Variants in COL4A4 observed in about 807,000 individuals in gnomAD.
COL4A4 encodes collagen type IV alpha 4 chain, also known as collagen alpha-4(IV) chain.
A neutral mutation model predicts 192.9 loss-of-function variants in COL4A4; 105 were observed. The ratio of observed to expected loss-of-function variants is 0.54; its 90% CI spans 0.46 to 0.64. The LOEUF is 0.64. Among genes scored for constraint, COL4A4 ranks in the 30% least tolerant of loss-of-function variants. COL4A4 has a pLI of 0.00. For synonymous variants in COL4A4, 762 were observed against 769.9 expected, an observed-to-expected ratio of 0.99 and a Z score of 0.17; for missense variants, 1,967 against 2,169.3, an observed-to-expected ratio of 0.91 and a Z score of 1.85.
chr2:227,058,552 C>T (rs6705783), intron 28 of COL4A4, among the ~76,000 whole-genome samples: 98,056 of 152,052 alleles, frequency 0.64, 32,223 homozygotes, highest in African/African-American at 0.77. Flanking sequence ...CTCTCCTCCA[C>T]GTGTCCTGTG....
intron 7 of COL4A4, among the ~76,000 whole-genome samples, chr2:227,117,646 T>TA (rs35388222): frequency 0.046 from 6,233 of 136,790 alleles, 158 homozygotes; most frequent in Non-Finnish European, 0.055. Flanking sequence ...GGAGAAATGC[T>TA]AAAAAAAAAA....
chr2:227,121,424 G>A (rs1179802808), intron 4 of COL4A4, among the ~76,000 whole-genome samples: 3 of 151,934 alleles, frequency 2.0e-5, no homozygotes, highest in Non-Finnish European at 4.4e-5. Flanking sequence ...AATTAGCTGG[G>A]CATGGTGGCG....
chr2:227,121,088 T>C lies in COL4A4; in HGVS notation c.253A>G (p.Ile85Val). The C allele has an allele frequency of 6.2e-7, 1 of 1,614,118 alleles. No individual in the cohort carries two copies. The highest frequency in any genetic ancestry group is 8.5e-7 in the Non-Finnish European group (1 of 1,180,008). The change falls in exon 5 of 48, where the codon ATT becomes GTT. Residue 85 changes from isoleucine to valine, a missense_variant. Physicochemically the swap from Ile to Val is conservative, Grantham distance 29. Coordinates refer to ENST00000396625, the MANE Select transcript of COL4A4 (RefSeq NM_000092.5). Reference protein sequence around the residue: ...PIGPLGAPGPIGLSGEKGMRG... With the variant: ...PIGPLGAPGPVGLSGEKGMRG... ...ATTCCTTTCTCTCCTGAAAGCCCAATGGGTCCTGGGGCTCCCAGGGGTCCA... is the reference window on the plus strand; with the variant it reads ...ATTCCTTTCTCTCCTGAAAGCCCAACGGGTCCTGGGGCTCCCAGGGGTCCA...
In COL4A4 at chr2:227,047,520, C is replaced by A; in HGVS notation, c.3244G>T (p.Gly1082Cys). The change falls in exon 35 of 48, where the codon GGT (glycine) becomes TGT (cysteine). Residue 1082 changes from glycine to cysteine, a missense_variant. Transcript: ENST00000396625. ...GGCTCACCCTTTGGACCAGGTGGAC[C>A]AAAGTGACTGGCAGGGTCACCTTTG... ...GNKGDPASHFGPPGPKGEPGS... is the reference protein window; with the variant it reads ...GNKGDPASHFCPPGPKGEPGS... 1.2e-6 allele frequency: 2 copies of A among 1,613,680 alleles called. No homozygotes were observed. The highest frequency in any genetic ancestry group is 1.7e-6 in the Non-Finnish European group (2 of 1,179,820).
At chr2:227,026,444 A>G (rs1285857331) in intron 42 of COL4A4, among the ~76,000 whole-genome samples, 2 of 151,446 alleles carry the variant, frequency 1.3e-5, no homozygotes, top group Non-Finnish European at 2.9e-5. Flanking sequence ...GCTTGCAGTG[A>G]GCCGAGATCG....
chr2:227,010,047 C>CTAATAATATACTTATTATTAGCCAGATAA (rs1193252345), intron 46 of COL4A4, among the ~76,000 whole-genome samples: 1 of 152,046 alleles, frequency 6.6e-6, no homozygotes, highest in African/African-American at 2.4e-5. Context: ...TTTTATAAAA[C>CTAATAATATACTTATTATTAGCCAGATAA]TAATAATATA....
At chr2:227,070,204 A>C (rs1220240921) in intron 25 of COL4A4, among the ~76,000 whole-genome samples, 3 of 150,048 alleles carry the variant, frequency 2.0e-5, no homozygotes, top group South Asian at 4.2e-4. Context: ...GCAATCATTA[A>C]AAAGTCAGGA....
At chr2:227,007,874 C>T (rs1287843344) in intron 47 of COL4A4, 144 bp downstream of exon 47, 6 of 1,017,218 alleles carry the variant, frequency 5.9e-6, no homozygotes, top group Admixed American at 2.2e-5. Context: ...TGCATCCCAA[C>T]AGGCTATGGT....
At chr2:227,034,902 T>C (rs1179237221) in intron 37 of COL4A4, among the ~76,000 whole-genome samples, 1 of 151,852 alleles carries the variant, frequency 6.6e-6, no homozygotes, top group Non-Finnish European at 1.5e-5. Flanking sequence ...GAACTCATCA[T>C]TTTTTATGGC....
chr2:227,014,583 G>A (rs928394314), intron 44 of COL4A4, among the ~76,000 whole-genome samples: 1 of 152,218 alleles, frequency 6.6e-6, no homozygotes, highest in Non-Finnish European at 1.5e-5. Flanking sequence ...TTATGTTAGT[G>A]AATCCACATA....
Position 227,089,937 on chromosome 2 carries a change from TC to T in COL4A4, c.1389del (p.Asn464ThrfsTer7), listed in dbSNP as rs1576428862. On this transcript the variant is annotated frameshift_variant, in exon 21 of 48. Coordinates refer to ENST00000396625, the MANE Select transcript of COL4A4 (RefSeq NM_000092.5). LOFTEE classifies it high-confidence loss of function. ...CCTTTTATTCCTTGTGGTCCGGGGT[TC>T]CCAACACTACAGTATATCACTGTCA... ...PGSSVIYCSV[G>X]NPGPQGIKGK... 2 of 1,613,610 alleles carry T rather than the reference TC, an allele frequency of 1.2e-6. No individual in the cohort carries two copies. Among genetic ancestry groups the T allele is most frequent in the Non-Finnish European group, 1.7e-6 (2 of 1,179,696 alleles).
rs143376751 is a variant in COL4A4 at position 227,039,735 on chromosome 2, A to G, written c.3505+2413T>C. The stretch of plus-strand genomic sequence containing the variant: ...GTTCTTTACCAACTGTCTTCCGGAC[A>G]CAAAAAAGTGTCAAAGAATACGCCA... On this transcript the variant is annotated intron_variant, in intron 37 of 47. Transcript: ENST00000396625. Among the ~76,000 whole-genome samples the G allele has an allele frequency of 2.5e-3, 380 of 152,348 alleles. 5 individuals carry two copies. In the East Asian group the frequency reaches 0.028, roughly 11 times the overall value.
chr2:227,071,295 CA>C (rs1264451798), intron 25 of COL4A4, among the ~76,000 whole-genome samples: 1 of 151,956 alleles, frequency 6.6e-6, no homozygotes, highest in Non-Finnish European at 1.5e-5. Flanking sequence ...ATAGTAATAA[CA>C]AAAAGACAAA....
intron 1 of COL4A4, among the ~76,000 whole-genome samples, chr2:227,161,183 G>A (rs1465293998): frequency 6.6e-6 from 1 of 152,216 alleles, no homozygotes; most frequent in East Asian, 1.9e-4. Context: ...AACAGTAACA[G>A]CCTCACTCAT....
chr2:226,994,069 G>A, the COL4A4 span, among the ~76,000 whole-genome samples: 1 of 152,132 alleles, frequency 6.6e-6, no homozygotes, highest in Admixed American at 6.5e-5. Flanking sequence ...GCTGGCTGCT[G>A]CTTTTGAGAG....
chr2:227,164,286 C>A (rs2065107206), upstream of COL4A4: 2 of 251,260 alleles, frequency 8.0e-6, no homozygotes, highest in South Asian at 5.0e-5. This position sits in a 1 kb window ranked among gnomAD's most constrained non-coding sequence, Gnocchi z 4.8. Context: ...ACCTCCCCAC[C>A]GCGCAGCCAC....
intron 37 of COL4A4, among the ~76,000 whole-genome samples, chr2:227,041,692 G>C (rs1001454916): frequency 3.7e-5 from 5 of 135,480 alleles, no homozygotes; most frequent in African/African-American, 8.7e-5. Context: ...GAAAGACAGA[G>C]AGAGAGAGAG....
the COL4A4 span, chr2:226,996,658 A>C: frequency 6.6e-6 from 1 of 152,256 alleles, no homozygotes; most frequent in African/African-American, 2.4e-5. Context: ...TTCCAGATGC[A>C]TAAGGCAAAC....
At position 227,077,983 on chromosome 2, in the gene COL4A4, C is replaced by A. The variant is rs1245320351; in HGVS notation, c.1898G>T (p.Gly633Val). ...KAGPVGPPGL[G>V]FPGPPGERGH... Reference sequence around the variant, plus strand: ...TCGCTCTCCTGGTGGACCAGGAAATCCCAGTCCTGGGGGCCCCACAGGTCC... The same window carrying A: ...TCGCTCTCCTGGTGGACCAGGAAATACCAGTCCTGGGGGCCCCACAGGTCC... The change falls in exon 25 of 48, where the codon GGA becomes GTA. Residue 633 changes from glycine (G) to valine (V), a missense_variant. Physicochemically the swap from Gly to Val is moderately radical, Grantham distance 109. Transcript: ENST00000396625. The A allele has an allele frequency of 6.2e-7, 1 of 1,613,886 alleles. No individual in the cohort carries two copies. The highest frequency in any genetic ancestry group is 8.5e-7 in the Non-Finnish European group (1 of 1,180,008).
Sources: allele counts gnomAD v4.1 joint callset (sites outside exome capture counted in the v4.1 genomes callset), GRCh38; gene constraint gnomAD v4.1.1; non-coding constraint Gnocchi (gnomAD v3.1); transcripts MANE v1.5; gene names NCBI Gene and HGNC (gene_info 2026-07-23, HGNC 2026-07-21).